Variants in MICOS13 observed in about 807,000 individuals in gnomAD.
MICOS13 encodes MICOS complex subunit MIC13.
In MICOS13, 15 loss-of-function variants were observed where a neutral mutation model predicts 16.1. The ratio of observed to expected loss-of-function variants is 0.93; its 90% CI spans 0.62 to 1.44. MICOS13 has a LOEUF of 1.44. Among genes scored for constraint, MICOS13 ranks in the 40% most tolerant of loss-of-function variants. The probability of loss-of-function intolerance (pLI) is 0.00; values close to 1 mark genes in which losing one functional copy is unlikely to be tolerated. For synonymous variants in MICOS13, 61 were observed against 62.6 expected (o/e 0.97, Z 0.12); for missense variants, 164 against 155.0 (o/e 1.06, Z -0.31).
At chr19:5,679,851 C>A in intron 1 of MICOS13, 88 bp from the exon 2 acceptor site, 2 of 1,466,820 alleles carry the variant, frequency 1.4e-6, no homozygotes, top group South Asian at 1.2e-5. Context: ...GTGAGACCCT[C>A]CTGAGGGCTC....
chr19:5,679,941 G>T, intron 1 of MICOS13, 178 bp from the exon 2 acceptor site: 2 of 1,376,146 alleles, frequency 1.5e-6, no homozygotes, highest in South Asian at 1.4e-5. Flanking sequence ...TTTACAACGT[G>T]CAAGGCAGGG....
Position 5,679,735 on chromosome 19 carries a change from C to G in MICOS13, c.58G>C (p.Gly20Arg). ...TGGTCGTACACCAGGTAGACGGCGCCCCCAGCCACACTTCCCTTGATGAGG... is the reference window on the plus strand; with the variant it reads ...TGGTCGTACACCAGGTAGACGGCGCGCCCAGCCACACTTCCCTTGATGAGG... ...RFLIKGSVAG[G>R]AVYLVYDQEL... is the part of the protein sequence containing the mutation. Residue 20 changes from glycine to arginine, a missense_variant, in exon 2 of 4, where the codon GGC (glycine) becomes CGC (arginine). Coordinates refer to ENST00000309324, the MANE Select transcript of MICOS13 (RefSeq NM_205767.3). 6.2e-7 allele frequency: 1 copy of G among 1,608,518 alleles called. No individual in the cohort carries two copies. The highest frequency in any genetic ancestry group is 8.5e-7 in the Non-Finnish European group (1 of 1,178,868).
At position 5,680,497 on chromosome 19, in the gene MICOS13, AT is replaced by A; in HGVS notation, c.-12del. 1 of 1,605,474 alleles carries A rather than the reference AT, an allele frequency of 6.2e-7. No homozygotes were observed. Among genetic ancestry groups the A allele is most frequent in the South Asian group, 1.1e-5 (1 of 90,696 alleles). ...CACCCGGGCCACCATGGTCGCTCGG[AT>A]CCACGCGCAAGGACACTCGGCTCGC... On this transcript the variant is annotated 5_prime_UTR_variant, in exon 1 of 4. Transcript: ENST00000309324.
At chr19:5,678,920 T>A in intron 3 of MICOS13, 1 of 398,566 alleles carries the variant, frequency 2.5e-6, no homozygotes, top group Non-Finnish European at 4.5e-6. Context: ...TTGTATTTTA[T>A]TTTTTTGAGA....
At chr19:5,680,017 C>A (rs766841345) in intron 1 of MICOS13, 1 of 1,502,234 alleles carries the variant, frequency 6.7e-7, no homozygotes, top group Non-Finnish European at 8.8e-7. Context: ...CTCAAAGTCC[C>A]ACAGTGAGCA....
chr19:5,680,258 G>C (rs1416953852), intron 1 of MICOS13, 200 bp downstream of exon 1: 1 of 1,577,590 alleles, frequency 6.3e-7, no homozygotes, highest in Admixed American at 1.9e-5. Context: ...TCGCTGGGAA[G>C]CAGGAGGGAG....
chr19:5,678,887 G>A (rs1388770651), intron 3 of MICOS13: 2 of 474,238 alleles, frequency 4.2e-6, no homozygotes, highest in African/African-American at 2.0e-5. Flanking sequence ...GACTACAAGT[G>A]CGCCACCATA....
Position 5,679,714 on chromosome 19 carries a change from C to T in MICOS13, c.79G>A (p.Asp27Asn). The T allele has an allele frequency of 2.5e-6, 4 of 1,610,150 alleles. No individual in the cohort carries two copies. The highest frequency in any genetic ancestry group is 1.3e-5 in the African/African-American group (1 of 74,952). ...TCGCTGGGCCCCAGCAGCTCCTGGTCGTACACCAGGTAGACGGCGCCCCCA... is the reference window on the plus strand; with the variant it reads ...TCGCTGGGCCCCAGCAGCTCCTGGTTGTACACCAGGTAGACGGCGCCCCCA... ...VAGGAVYLVY[D>N]QELLGPSDKS... Residue 27 changes from aspartate (D) to asparagine (N), a missense_variant, in exon 2 of 4, where the codon GAC (aspartate) becomes AAC (asparagine). Transcript: ENST00000309324.
chr19:5,679,521 G>C (rs986313746), intron 2 of MICOS13, 65 bp downstream of exon 2: 2 of 1,595,038 alleles, frequency 1.3e-6, no homozygotes, highest in Non-Finnish European at 1.7e-6. Flanking sequence ...CATCGTGCAG[G>C]GCTGGAGGGA....
At chr19:5,680,208 C>T in intron 1 of MICOS13, 2 of 1,539,800 alleles carry the variant, frequency 1.3e-6, no homozygotes, top group Non-Finnish European at 1.7e-6. Flanking sequence ...AACTGAGGCT[C>T]GGAGGCGGAG....
chr19:5,678,575 C>T lies in MICOS13; in HGVS notation c.333G>A (p.Glu111=). The T allele has an allele frequency of 1.3e-6, 2 of 1,549,686 alleles. No individual in the cohort carries two copies. Among genetic ancestry groups the T allele is most frequent in the Non-Finnish European group, 1.7e-6 (2 of 1,146,706 alleles). The change falls in exon 4 of 4, where the codon GAG becomes GAA. Residue 111 remains glutamate, a synonymous_variant. Transcript: ENST00000309324. ...GCTACTTGGTGCGCGCCTTCACATA[C>T]TCCCAGCCCTCCTTGGAGTACTCGC... The part of the protein sequence containing the change: ...KAREYSKEGW[E]YVKARTK
At chr19:5,678,722 AGAGT>A in intron 3 of MICOS13, 74 bp from the exon 4 acceptor site, 1 of 624,590 alleles carries the variant, frequency 1.6e-6, no homozygotes. Flanking sequence ...GGGAAACTCT[AGAGT>A]TTGTTTTGGG....
intron 1 of MICOS13, chr19:5,680,136 C>T (rs1206070447): frequency 2.0e-6 from 3 of 1,536,022 alleles, no homozygotes; most frequent in Non-Finnish European, 2.6e-6. Flanking sequence ...TCCGAGCACG[C>T]ATTCACTTCT....
At chr19:5,680,349 A>G (rs2054511852) in intron 1 of MICOS13, 109 bp downstream of exon 1, 2 of 1,603,784 alleles carry the variant, frequency 1.2e-6, no homozygotes, top group South Asian at 2.2e-5. Flanking sequence ...ACGAAGGGGA[A>G]GTGACTCTAA....
rs147224682 is a variant in MICOS13 at position 5,678,638 on chromosome 19, C to T, written c.270G>A (p.Thr90=). ...GGGCCACCGACAGAGCTGACATCACCGTCATGATGCCTGTGGGAAAGGGAC... is the reference window on the plus strand; with the variant it reads ...GGGCCACCGACAGAGCTGACATCACTGTCATGATGCCTGTGGGAAAGGGAC... ...IRDSWNAGIM[T]VMSALSVAPS... is the part of the protein sequence containing the mutation. Residue 90 remains threonine (T), a synonymous_variant, in exon 4 of 4, where the codon ACG becomes ACA. Transcript: ENST00000309324. The T allele has an allele frequency of 8.5e-6, 13 of 1,534,998 alleles. No individual in the cohort carries two copies. Among genetic ancestry groups the T allele is most frequent in the African/African-American group, 1.4e-5 (1 of 72,354 alleles).
At chr19:5,678,697 C>T in intron 3 of MICOS13, 49 bp from the exon 4 acceptor site, 1 of 1,393,442 alleles carries the variant, frequency 7.2e-7, no homozygotes, top group Non-Finnish European at 9.6e-7. Flanking sequence ...CAGCCTCACC[C>T]AGCCTCCAAC....
At chr19:5,680,129 G>A (rs1325851991) in intron 1 of MICOS13, 2 of 1,536,054 alleles carry the variant, frequency 1.3e-6, no homozygotes, top group Non-Finnish European at 1.7e-6. Context: ...TCGCAGCTCC[G>A]AGCACGCATT....
chr19:5,680,447 C>T lies in MICOS13; in HGVS notation c.29+11G>A. ...TCGGGGACTCGGGTCCCCTCCGGCG[C>T]CCCCACGCACCTCATCAGCGACCAC... On this transcript the variant is annotated intron_variant, in intron 1 of 3. Coordinates refer to ENST00000309324, the MANE Select transcript of MICOS13 (RefSeq NM_205767.3). 1 of 1,613,024 alleles carries T rather than the reference C, an allele frequency of 6.2e-7. No individual in the cohort carries two copies. Among genetic ancestry groups the T allele is most frequent in the Non-Finnish European group, 8.5e-7 (1 of 1,179,862 alleles).
At position 5,679,376 on chromosome 19, in the gene MICOS13, A is replaced by C; in HGVS notation, c.228T>G (p.Ile76Met). The change falls in exon 3 of 4, where the codon ATT (isoleucine) becomes ATG (methionine). Residue 76 changes from isoleucine (I) to methionine (M), a missense_variant. By Grantham distance (10) the Ile-to-Met change is conservative (BLOSUM62 1). Transcript: ENST00000309324. ...TCCAGGAGTCACGGATGGGAAAGTA[A>C]ATCTTTGGAGGGGCTGGGAGCTGGG... is the stretch of plus-strand genomic sequence containing the variant. ...QIPQLPAPPK[I>M]YFPIRDSWNA... The C allele has an allele frequency of 6.2e-7, 1 of 1,613,766 alleles. No individual in the cohort carries two copies. The highest frequency in any genetic ancestry group is 8.5e-7 in the Non-Finnish European group (1 of 1,179,904).
Sources: allele counts gnomAD v4.1 joint callset, GRCh38; gene constraint gnomAD v4.1.1; transcripts MANE v1.5; gene names NCBI Gene and HGNC (gene_info 2026-07-23, HGNC 2026-07-21).